Variants in GPATCH2 observed in about 807,000 individuals in gnomAD.
The protein encoded by GPATCH2 is G patch domain-containing protein 2.
GPATCH2 carries 51 observed loss-of-function variants against 58.0 expected under a neutral mutation model. That is an observed-to-expected ratio of 0.88 (90% CI 0.70 to 1.11). The LOEUF is 1.11. Among genes scored for constraint, GPATCH2 ranks in the 50% most tolerant of loss-of-function variants. GPATCH2 has a pLI of 0.00. For synonymous variants in GPATCH2, 222 were observed against 218.5 expected (o/e 1.02, Z -0.14); for missense variants, 625 against 652.2 (o/e 0.96, Z 0.45).
chr1:217,533,926 A>C (rs1165705044), intron 5 of GPATCH2, among the ~76,000 whole-genome samples: 1 of 152,202 alleles, frequency 6.6e-6, no homozygotes, highest in Non-Finnish European at 1.5e-5. Context: ...TATTAAAAAG[A>C]TTCTTACAGC....
intron 1 of GPATCH2, among the ~76,000 whole-genome samples, chr1:217,624,715 C>A (rs1023653262): frequency 6.6e-6 from 1 of 152,226 alleles, no homozygotes; most frequent in Non-Finnish European, 1.5e-5. Flanking sequence ...CTATACAAAT[C>A]TGTACTTACT....
intron 8 of GPATCH2, among the ~76,000 whole-genome samples, chr1:217,489,129 G>C (rs1338992979): frequency 1.3e-5 from 2 of 150,190 alleles, no homozygotes; most frequent in Non-Finnish European, 3.0e-5. Context: ...GAGATGGAGG[G>C]TATCACTATT....
At chr1:217,521,613 C>T (rs544579359) in intron 5 of GPATCH2, among the ~76,000 whole-genome samples, 1 of 152,194 alleles carries the variant, frequency 6.6e-6, no homozygotes, top group Admixed American at 6.5e-5. Flanking sequence ...GGCTCCCCTA[C>T]TAATCATTAC....
intron 5 of GPATCH2, among the ~76,000 whole-genome samples, chr1:217,586,565 G>C (rs1667350040): frequency 6.6e-6 from 1 of 152,104 alleles, no homozygotes; most frequent in African/African-American, 2.4e-5. Flanking sequence ...CCTTTCGAAG[G>C]ACCTGTCTGA....
intron 5 of GPATCH2, among the ~76,000 whole-genome samples, chr1:217,523,890 CGGGCGGG>C (rs1663636333): frequency 8.8e-6 from 1 of 113,882 alleles, no homozygotes; most frequent in Non-Finnish European, 2.1e-5. Context: ...GGCGGCTGGC[CGGGCGGG>C]GGGCTGACCC....
chr1:217,557,755 C>T (rs906287750), intron 5 of GPATCH2, among the ~76,000 whole-genome samples: 2 of 152,138 alleles, frequency 1.3e-5, no homozygotes, highest in African/African-American at 4.8e-5. Flanking sequence ...TTGCTTTGGA[C>T]TCCTTGTTCT....
chr1:217,543,523 C>A (rs999410026), intron 5 of GPATCH2, among the ~76,000 whole-genome samples: 1 of 152,070 alleles, frequency 6.6e-6, no homozygotes, highest in African/African-American at 2.4e-5. Context: ...CCCGTCTCGG[C>A]CTCCCAAAGT....
chr1:217,524,059 G>A (rs1330213114), intron 5 of GPATCH2, among the ~76,000 whole-genome samples: 6 of 149,498 alleles, frequency 4.0e-5, no homozygotes, highest in Non-Finnish European at 7.4e-5. Flanking sequence ...CGGATGGGGC[G>A]GCTGGCCAGG....
intron 5 of GPATCH2, among the ~76,000 whole-genome samples, chr1:217,517,613 G>A (rs370411840): frequency 7.9e-5 from 12 of 152,184 alleles, no homozygotes; most frequent in African/African-American, 2.2e-4. Flanking sequence ...AAAAGTTTCT[G>A]TCTTATCATT....
At chr1:217,432,543 T>C (rs1453352997) in intron 9 of GPATCH2, among the ~76,000 whole-genome samples, 1 of 152,178 alleles carries the variant, frequency 6.6e-6, no homozygotes, top group African/African-American at 2.4e-5. Flanking sequence ...AGGTGTGGTA[T>C]AGGTTGGCTC....
At chr1:217,573,123 C>T (rs1233181262) in intron 5 of GPATCH2, among the ~76,000 whole-genome samples, 2 of 152,224 alleles carry the variant, frequency 1.3e-5, no homozygotes, top group Admixed American at 1.3e-4. Context: ...TAAAAGATTA[C>T]TTGTCTTTTG....
chr1:217,551,877 C>A (rs1227541560), intron 5 of GPATCH2, among the ~76,000 whole-genome samples: 6 of 152,154 alleles, frequency 3.9e-5, no homozygotes, highest in African/African-American at 1.4e-4. Flanking sequence ...AACTACATAT[C>A]ATGTAACATC....
intron 1 of GPATCH2, among the ~76,000 whole-genome samples, chr1:217,621,126 C>G (rs1669168798): frequency 2.0e-5 from 3 of 152,204 alleles, no homozygotes; most frequent in Admixed American, 6.5e-5. Context: ...AAGGGCCCAT[C>G]ATTACTTCAT....
chr1:217,611,206 A>G (rs1012071326), intron 3 of GPATCH2, 135 bp from the exon 4 acceptor site: 10 of 738,064 alleles, frequency 1.4e-5, no homozygotes, highest in African/African-American at 1.1e-4. Flanking sequence ...AACTTTTAAT[A>G]TAAGTATTAT....
intron 8 of GPATCH2, among the ~76,000 whole-genome samples, chr1:217,463,025 T>C (rs1660265251): frequency 3.3e-5 from 5 of 152,214 alleles, no homozygotes. Context: ...CAATAAATGT[T>C]ACCCATAATT....
Position 217,487,803 on chromosome 1 carries a change from C to T in GPATCH2, c.1277+3877G>A, listed in dbSNP as rs556961719. On this transcript the variant is annotated intron_variant, in intron 8 of 9. Coordinates refer to ENST00000366935, the MANE Select transcript of GPATCH2 (RefSeq NM_018040.5). ...TGTCGCCCAGGCTGTAGTGCAGTGG[C>T]GTGATCTAGGCTCACTGCAATCTCC... Among the ~76,000 whole-genome samples the T allele has an allele frequency of 2.6e-5, 4 of 152,050 alleles. No individual in the cohort carries two copies. The East Asian group carries it at 5.8e-4, about 22-fold the overall frequency.
At chr1:217,465,314 G>C (rs1645704745) in intron 8 of GPATCH2, among the ~76,000 whole-genome samples, 1 of 152,062 alleles carries the variant, frequency 6.6e-6, no homozygotes, top group Admixed American at 6.6e-5. Context: ...ACGGAAGATA[G>C]GCAAAGAAGA....
chr1:217,484,245 A>C (rs901918966), intron 8 of GPATCH2, among the ~76,000 whole-genome samples: 10 of 152,126 alleles, frequency 6.6e-5, no homozygotes, highest in Admixed American at 5.9e-4. Flanking sequence ...TTTTTAGAAC[A>C]CAAAAAGGAT....
At chr1:217,544,672 G>C (rs78929240) in intron 5 of GPATCH2, among the ~76,000 whole-genome samples, 3,933 of 152,258 alleles carry the variant, frequency 0.026, 106 homozygotes, top group East Asian at 0.11. Flanking sequence ...AATCCCAACA[G>C]TCTCTAGTGA....
Sources: allele counts gnomAD v4.1 joint callset (sites outside exome capture counted in the v4.1 genomes callset), GRCh38; gene constraint gnomAD v4.1.1; transcripts MANE v1.5; gene names NCBI Gene and HGNC (gene_info 2026-07-23, HGNC 2026-07-21).